TMEM74: variants seen among roughly 807,000 people sequenced by gnomAD.
TMEM74 encodes the protein transmembrane protein 74.
In TMEM74, 13 loss-of-function variants were observed where a neutral mutation model predicts 18.1. That is an observed-to-expected ratio of 0.72 (90% CI 0.47 to 1.14). TMEM74 has a LOEUF of 1.14. Ranked by LOEUF, TMEM74 falls within the 50% of genes most tolerant of loss-of-function variation. TMEM74 has a pLI of 0.00. For missense variants in TMEM74, 372 were observed against 375.9 expected, an observed-to-expected ratio of 0.99 and a Z score of 0.09; for synonymous variants, 159 against 146.6, an observed-to-expected ratio of 1.08 and a Z score of -0.61.
At chr8:108,656,687 C>T (rs1812824518) in intron 1 of TMEM74, among the ~76,000 whole-genome samples, 1 of 152,160 alleles carries the variant, frequency 6.6e-6, no homozygotes, top group Non-Finnish European at 1.5e-5. Context: ...ACCTCTCTCA[C>T]GATCATAAAT....
intron 1 of TMEM74, among the ~76,000 whole-genome samples, chr8:108,771,519 G>A (rs768925104): frequency 1.3e-5 from 2 of 152,122 alleles, no homozygotes; most frequent in African/African-American, 2.4e-5. Flanking sequence ...CTGGTCTTAT[G>A]TATATATAAA....
At chr8:108,655,394 C>G (rs1812811609) in exon 2 of TMEM74, 1 of 151,744 alleles carries the variant, frequency 6.6e-6, no homozygotes, top group Non-Finnish European at 1.5e-5. Context: ...AGCTTGAGCC[C>G]AGGAGTTCAT....
downstream of TMEM74, among the ~76,000 whole-genome samples, chr8:108,775,303 A>G (rs908243169): frequency 1.3e-5 from 2 of 152,000 alleles, no homozygotes; most frequent in Non-Finnish European, 2.9e-5. Context: ...TCTTCCTTTT[A>G]TCTATGGCCA....
chr8:108,720,999 T>G (rs1586273326), intron 1 of TMEM74, among the ~76,000 whole-genome samples: 1 of 152,080 alleles, frequency 6.6e-6, no homozygotes, highest in Admixed American at 6.6e-5. Flanking sequence ...AAACTCCTGA[T>G]TTCAAATGAT....
chr8:108,649,307 C>T (rs1042845689), intron 2 of TMEM74, among the ~76,000 whole-genome samples: 2 of 152,068 alleles, frequency 1.3e-5, no homozygotes, highest in African/African-American at 2.4e-5. Context: ...TTATAAAGCA[C>T]TCAGCTTTAC....
chr8:108,736,793 C>T (rs542541429), intron 1 of TMEM74, among the ~76,000 whole-genome samples: 1 of 152,226 alleles, frequency 6.6e-6, no homozygotes, highest in South Asian at 2.1e-4. Context: ...GCAGGTAGGT[C>T]ACACTAGTGG....
chr8:108,634,807 T>G (rs1055543682), intron 2 of TMEM74, among the ~76,000 whole-genome samples: 17 of 151,998 alleles, frequency 1.1e-4, no homozygotes, highest in Non-Finnish European at 1.9e-4. Flanking sequence ...TGCACAGTAA[T>G]GTATTCACAG....
At chr8:108,644,502 G>A (rs1445439276) in intron 2 of TMEM74, among the ~76,000 whole-genome samples, 1 of 151,968 alleles carries the variant, frequency 6.6e-6, no homozygotes, top group Non-Finnish European at 1.5e-5. Flanking sequence ...TTGACACATG[G>A]GACCTAATTA....
intron 2 of TMEM74, among the ~76,000 whole-genome samples, chr8:108,614,337 CAATA>C (rs1473463333): frequency 2.0e-5 from 3 of 152,002 alleles, no homozygotes; most frequent in Non-Finnish European, 4.4e-5. Context: ...CCCTTAGTTC[CAATA>C]CCCCTGAGTG....
intron 1 of TMEM74, among the ~76,000 whole-genome samples, chr8:108,730,757 C>T (rs1586276424): frequency 6.6e-6 from 1 of 151,766 alleles, no homozygotes; most frequent in South Asian, 2.1e-4. Context: ...CTCAGCCTCC[C>T]GAGTAGCTGG....
chr8:108,712,279 C>T (rs1405980650), intron 1 of TMEM74, among the ~76,000 whole-genome samples: 3 of 152,118 alleles, frequency 2.0e-5, no homozygotes, highest in Non-Finnish European at 4.4e-5. Context: ...CACATGGTTT[C>T]CCCATTGTTT....
At chr8:108,762,869 C>T (rs1814061895) in intron 1 of TMEM74, among the ~76,000 whole-genome samples, 1 of 152,018 alleles carries the variant, frequency 6.6e-6, no homozygotes, top group Middle Eastern at 3.2e-3. Context: ...AGTGAGACCT[C>T]CTCATATTTA....
At chr8:108,736,396 G>C (rs1257130163) in intron 1 of TMEM74, among the ~76,000 whole-genome samples, 1 of 152,038 alleles carries the variant, frequency 6.6e-6, no homozygotes, top group East Asian at 1.9e-4. Context: ...GTCATAGGTT[G>C]TTCTCTGATG....
chr8:108,764,773 A>G (rs1275752735), intron 1 of TMEM74, among the ~76,000 whole-genome samples: 1 of 152,162 alleles, frequency 6.6e-6, no homozygotes, highest in Non-Finnish European at 1.5e-5. Flanking sequence ...ACTCTGTCTT[A>G]TCTCCACTTA....
chr8:108,679,970 C>T (rs1269738822), intron 1 of TMEM74, among the ~76,000 whole-genome samples: 5 of 152,146 alleles, frequency 3.3e-5, no homozygotes, highest in African/African-American at 1.2e-4. Flanking sequence ...CACATACACC[C>T]TCCCAAGACT....
At chr8:108,664,026 A>T (rs1319904625) in intron 1 of TMEM74, among the ~76,000 whole-genome samples, 2 of 152,156 alleles carry the variant, frequency 1.3e-5, no homozygotes, top group African/African-American at 4.8e-5. Context: ...TATCTGGGTG[A>T]TGGGTTGATC....
chr8:108,784,953 G>C lies in TMEM74; in HGVS notation c.146C>G (p.Thr49Ser), dbSNP rs766402324. 23 of 1,614,032 alleles carry C rather than the reference G, an allele frequency of 1.4e-5. No individual in the cohort carries two copies. The African/African-American group carries it at 2.7e-4, about 19-fold the overall frequency. The change falls in exon 2 of 2, where the codon ACC (threonine) becomes AGC (serine). Residue 49 changes from threonine (T) to serine (S), a missense_variant. Coordinates refer to ENST00000297459, the MANE Select transcript of TMEM74 (RefSeq NM_153015.3). ...CCCTTCCATCTCGGTTGCTCTTGGGGTGGATGCACACTGTTTCTGACAGCA... is the reference window on the plus strand; with the variant it reads ...CCCTTCCATCTCGGTTGCTCTTGGGCTGGATGCACACTGTTTCTGACAGCA... Reference protein sequence around the residue: ...ALCCQKQCASTPRATEMEGSK... With the variant: ...ALCCQKQCASSPRATEMEGSK...
intron 2 of TMEM74, among the ~76,000 whole-genome samples, chr8:108,640,115 CTTTTTT>C (rs35455409): frequency 7.6e-5 from 6 of 78,904 alleles, no homozygotes; most frequent in South Asian, 1.0e-3. Flanking sequence ...ATAGTAATCA[CTTTTTT>C]TTTTTTTTTT....
intron 1 of TMEM74, among the ~76,000 whole-genome samples, chr8:108,739,629 G>A (rs1224529624): frequency 6.6e-6 from 1 of 152,172 alleles, no homozygotes; most frequent in Non-Finnish European, 1.5e-5. Context: ...CTGGGCTTGG[G>A]TGAGTGATTT....
Sources: gnomAD v4.1 joint callset for allele counts (sites outside exome capture counted in the v4.1 genomes callset) on GRCh38, gnomAD v4.1.1 for gene constraint, MANE v1.5 for transcripts, NCBI Gene and HGNC (gene_info 2026-07-23, HGNC 2026-07-21) for gene names.